The following KLHL26 variants were observed in gnomAD, a reference collection of about 807,000 sequenced individuals.
The protein encoded by KLHL26 is kelch-like protein 26.
Under a neutral mutation model 7.1 loss-of-function variants are expected in KLHL26, and 4 were observed. That is an observed-to-expected ratio of 0.56 (90% CI 0.28 to 1.28). The LOEUF is 1.28. Ranked by LOEUF, KLHL26 falls within the 50% of genes most tolerant of loss-of-function variation. KLHL26 has a pLI of 0.11. For synonymous variants in KLHL26, 465 were observed against 414.1 expected, an observed-to-expected ratio of 1.12 and a Z score of -1.49; for missense variants, 896 against 924.6, an observed-to-expected ratio of 0.97 and a Z score of 0.40.
chr19:18,666,346 A>G (rs1311211231), intron 2 of KLHL26, among the ~76,000 whole-genome samples: 8 of 152,028 alleles, frequency 5.3e-5, no homozygotes, highest in Admixed American at 5.2e-4. Flanking sequence ...GGTCAAATGC[A>G]CAAGGGATGT....
Position 18,649,467 on chromosome 19 carries a change from G to A in KLHL26, c.83+12330G>A, listed in dbSNP as rs1047158391. ...GTGGGCGGAGAAGCAGAAATTCACA[G>A]GCATGTTGTCAGTAAACCAGCCCTG... is the stretch of plus-strand genomic sequence containing the variant. On this transcript the variant is annotated intron_variant, in intron 1 of 2. Coordinates refer to ENST00000300976, the MANE Select transcript of KLHL26 (RefSeq NM_018316.3). This position sits in a 1 kb window ranked among gnomAD's most constrained non-coding sequence, Gnocchi z 4.0. Among the ~76,000 whole-genome samples the A allele has an allele frequency of 7.2e-5, 11 of 152,230 alleles. No individual in the cohort carries two copies.
At position 18,668,939 on chromosome 19, in the gene KLHL26, G is replaced by C. The variant is rs201472860; in HGVS notation, c.1542G>C (p.Gly514=). 4 of 1,609,624 alleles carry C rather than the reference G, an allele frequency of 2.5e-6. No individual in the cohort carries two copies. Among genetic ancestry groups the C allele is most frequent in the South Asian group, 2.2e-5 (2 of 91,074 alleles). Residue 514 remains glycine (G), a synonymous_variant, in exon 3 of 3, where the codon GGG becomes GGC. Transcript: ENST00000300976. ...CCGGCGGCCGCATCTATGCCCTCGG[G>C]GGCCGCATGGACCACGTGGACCGCT... is the stretch of plus-strand genomic sequence containing the variant. ...VGAGGRIYAL[G]GRMDHVDRCF... is the part of the protein sequence containing the mutation.
intron 1 of KLHL26, among the ~76,000 whole-genome samples, chr19:18,647,564 AGAG>A (rs1258513914): frequency 1.3e-5 from 2 of 149,928 alleles, no homozygotes; most frequent in Non-Finnish European, 3.0e-5. Flanking sequence ...GAGTGGAGGA[AGAG>A]GAGGAGGAGA....
In KLHL26 at chr19:18,668,048, G is replaced by A. The variant is rs752797669; in HGVS notation, c.651G>A (p.Arg217=). Residue 217 remains arginine (R), a synonymous_variant, in exon 3 of 3, where the codon CGG becomes CGA. Transcript: ENST00000300976. ...TGGTCTTCTTCCTGCAGAGCAACCGGCTGCAGAGCTGTGCCGAGATCGACC... is the reference window on the plus strand; with the variant it reads ...TGGTCTTCTTCCTGCAGAGCAACCGACTGCAGAGCTGTGCCGAGATCGACC... ...ERLVFFLQSN[R]LQSCAEIDLF... The A allele has an allele frequency of 1.7e-5, 27 of 1,607,842 alleles. 1 individual carries two copies. In the South Asian group the frequency reaches 3.0e-4, roughly 18 times the overall value.
intron 1 of KLHL26, among the ~76,000 whole-genome samples, chr19:18,643,399 C>T (rs1210925447): frequency 1.3e-5 from 2 of 150,388 alleles, no homozygotes; most frequent in African/African-American, 4.9e-5. Flanking sequence ...GAGCTGAGAT[C>T]GCTCCACTGC....
chr19:18,643,913 T>C (rs1157622279), intron 1 of KLHL26, among the ~76,000 whole-genome samples: 1 of 152,204 alleles, frequency 6.6e-6, no homozygotes, highest in African/African-American at 2.4e-5. Context: ...GTTTTTTGTT[T>C]TTGAGGTACT....
chr19:18,662,145 G>A (rs181486249), intron 1 of KLHL26, among the ~76,000 whole-genome samples: 21 of 152,252 alleles, frequency 1.4e-4, no homozygotes, highest in Admixed American at 5.9e-4. Context: ...CCAGTGCAAC[G>A]TGTTTCTTCT....
At chr19:18,645,659 A>C (rs1418064197) in intron 1 of KLHL26, among the ~76,000 whole-genome samples, 1 of 151,988 alleles carries the variant, frequency 6.6e-6, no homozygotes, top group Non-Finnish European at 1.5e-5. Context: ...TAAAAATACA[A>C]AAATTAGTCA....
At chr19:18,637,302 G>A (rs1325244744) in intron 1 of KLHL26, among the ~76,000 whole-genome samples, 165 bp downstream of exon 1, 1 of 152,158 alleles carries the variant, frequency 6.6e-6, no homozygotes, top group Non-Finnish European at 1.5e-5. Context: ...AGGAGCCGAG[G>A]GCTACTGAGG....
At chr19:18,660,888 A>G (rs1027024742) in intron 1 of KLHL26, among the ~76,000 whole-genome samples, 18 of 152,236 alleles carry the variant, frequency 1.2e-4, no homozygotes, top group African/African-American at 4.3e-4. Context: ...CCTGGGGAGG[A>G]CAAGCTGCTT....
chr19:18,650,828 G>A lies in KLHL26; in HGVS notation c.84-13433G>A, dbSNP rs1364873842. ...CGTCTGTCTCGTCACAGACAGGCGG[G>A]GCTGCGGCTGGGGATGGCCGCCGCC... is the stretch of plus-strand genomic sequence containing the variant. On this transcript the variant is annotated intron_variant, in intron 1 of 2. Transcript: ENST00000300976. This position sits in a 1 kb window ranked among gnomAD's most constrained non-coding sequence, Gnocchi z 4.2. Among the ~76,000 whole-genome samples, 1 of 152,180 alleles carries A rather than the reference G, an allele frequency of 6.6e-6. No homozygotes were observed. Among genetic ancestry groups the A allele is most frequent in the Non-Finnish European group, 1.5e-5 (1 of 68,010 alleles).
In KLHL26 at chr19:18,669,129, G is replaced by T. The variant is rs754355419; in HGVS notation, c.1732G>T (p.Val578Leu). 6.2e-7 allele frequency: 1 copy of T among 1,612,902 alleles called. No individual in the cohort carries two copies. The highest frequency in any genetic ancestry group is 1.7e-5 in the Admixed American group (1 of 60,022). Residue 578 changes from valine to leucine, a missense_variant, in exon 3 of 3, where the codon GTA becomes TTA. Transcript: ENST00000300976. ...GCGTCTCAACAACGTCACGGGCATC[G>T]TACAGGTGTACAACACGGACACCGA... ...NWRLNNVTGIVQVYNTDTDEW... is the reference protein window; with the variant it reads ...NWRLNNVTGILQVYNTDTDEW...
chr19:18,668,626 T>C lies in KLHL26; in HGVS notation c.1229T>C (p.Val410Ala), dbSNP rs1210468175. Reference sequence around the variant, plus strand: ...AGCCGCATCCAGTTCCAGCTGAACGTGCTGTGCGGCATGGTGTACGCCACG... The same window carrying C: ...AGCCGCATCCAGTTCCAGCTGAACGCGCTGTGCGGCATGGTGTACGCCACG... ...QESRIQFQLN[V>A]LCGMVYATGG... Residue 410 changes from valine to alanine, a missense_variant, in exon 3 of 3, where the codon GTG becomes GCG. Transcript: ENST00000300976. 3.8e-6 allele frequency: 6 copies of C among 1,583,000 alleles called. No individual in the cohort carries two copies. In the South Asian group the frequency reaches 5.6e-5, roughly 15 times the overall value.
intron 1 of KLHL26, among the ~76,000 whole-genome samples, chr19:18,657,785 T>A (rs1226941142): frequency 6.6e-6 from 1 of 152,132 alleles, no homozygotes; most frequent in Non-Finnish European, 1.5e-5. Context: ...TCAGGAGGGA[T>A]AACCCCAGGA....
At position 18,648,027 on chromosome 19, in the gene KLHL26, G is replaced by A. The variant is rs1415605385; in HGVS notation, c.83+10890G>A. ...CGGGCTGGCTGGGCCAGGGGGCCAG[G>A]GCAGGGTTTGGGTGAGCGGCATATC... On this transcript the variant is annotated intron_variant, in intron 1 of 2. Coordinates refer to ENST00000300976, the MANE Select transcript of KLHL26 (RefSeq NM_018316.3). This position sits in a 1 kb window ranked among gnomAD's most constrained non-coding sequence, Gnocchi z 4.9. Among the ~76,000 whole-genome samples, 1 of 152,194 alleles carries A rather than the reference G, an allele frequency of 6.6e-6. No homozygotes were observed. The highest frequency in any genetic ancestry group is 1.5e-5 in the Non-Finnish European group (1 of 68,040).
chr19:18,669,330 G>A lies in KLHL26; in HGVS notation c.*85G>A, dbSNP rs2052500899. ...AATGCACGTCTGCCTGAGAACCCCAGTGCCCCCCTTCGCCCGGGCTGCCCT... is the reference window on the plus strand; with the variant it reads ...AATGCACGTCTGCCTGAGAACCCCAATGCCCCCCTTCGCCCGGGCTGCCCT... On this transcript the variant is annotated 3_prime_UTR_variant, in exon 3 of 3. Transcript: ENST00000300976. 12 of 1,114,550 alleles carry A rather than the reference G, an allele frequency of 1.1e-5. No individual in the cohort carries two copies. Among genetic ancestry groups the A allele is most frequent in the Non-Finnish European group, 1.4e-5 (11 of 768,576 alleles). The allele number at this position is 1,114,550 out of a possible 1,614,324, so 69.0% of individuals were successfully genotyped here.
At chr19:18,640,937 T>A (rs1976701789) in intron 1 of KLHL26, among the ~76,000 whole-genome samples, 1 of 152,174 alleles carries the variant, frequency 6.6e-6, no homozygotes, top group Non-Finnish European at 1.5e-5. Context: ...CTCCTCCTCA[T>A]CCTCACTAAC....
Position 18,669,367 on chromosome 19 carries a change from C to T in KLHL26, c.*122C>T. 1 of 730,704 alleles carries T rather than the reference C, an allele frequency of 1.4e-6. No homozygotes were observed. Among genetic ancestry groups the T allele is most frequent in the East Asian group, 2.6e-5 (1 of 39,030 alleles). The allele number at this position is 730,704 out of a possible 1,614,324, so 45.3% of individuals were successfully genotyped here. A position where few individuals can be genotyped will look rare whatever the true frequency, so the allele number is the denominator to read the frequency against. ...GCCCGGGCTGCCCTTGAGGGGCCTG[C>T]TGCGTTGATAAGCCCCCCTCCCAGG... On this transcript the variant is annotated 3_prime_UTR_variant, in exon 3 of 3. Coordinates refer to ENST00000300976, the MANE Select transcript of KLHL26 (RefSeq NM_018316.3).
chr19:18,645,245 G>C (rs952546847), intron 1 of KLHL26, among the ~76,000 whole-genome samples: 1 of 152,214 alleles, frequency 6.6e-6, no homozygotes, highest in Admixed American at 6.5e-5. Flanking sequence ...GGAGGCTTGG[G>C]CCACTTGGGG....
Sources: allele counts gnomAD v4.1 joint callset (sites outside exome capture counted in the v4.1 genomes callset), GRCh38; gene constraint gnomAD v4.1.1; non-coding constraint Gnocchi (gnomAD v3.1); transcripts MANE v1.5; gene names NCBI Gene and HGNC (gene_info 2026-07-23, HGNC 2026-07-21).